TP73: variants seen among roughly 807,000 people sequenced by gnomAD.
TP73 encodes the protein tumor protein p73.
A neutral mutation model predicts 62.5 loss-of-function variants in TP73; 25 were observed. That is an observed-to-expected ratio of 0.40 (90% CI 0.29 to 0.56). The LOEUF (loss-of-function observed/expected upper bound fraction) is 0.56. Among genes scored for constraint, TP73 ranks in the 20% least tolerant of loss-of-function variants. The pLI is 0.46. For missense variants in TP73, 754 were observed against 913.3 expected, an observed-to-expected ratio of 0.83 and a Z score of 2.25; for synonymous variants, 423 against 377.5, an observed-to-expected ratio of 1.12 and a Z score of -1.40.
intron 3 of TP73, among the ~76,000 whole-genome samples, chr1:3,687,709 C>A (rs527848807): frequency 7.9e-5 from 12 of 152,252 alleles, no homozygotes; most frequent in African/African-American, 2.9e-4. Context: ...CTCTCCCCTC[C>A]CCTCTCTGTC....
At chr1:3,702,659 G>T (rs959559794) in intron 3 of TP73, among the ~76,000 whole-genome samples, 1 of 152,210 alleles carries the variant, frequency 6.6e-6, no homozygotes, top group Non-Finnish European at 1.5e-5. Context: ...GGCCTGGTGC[G>T]TCCGCGGCCT....
chr1:3,675,646 G>A (rs569172760), intron 1 of TP73, among the ~76,000 whole-genome samples: 16 of 152,168 alleles, frequency 1.1e-4, no homozygotes, highest in African/African-American at 3.4e-4. Flanking sequence ...GAGCTCCACC[G>A]AGGGGTGGGT....
chr1:3,730,192 GC>G (rs1642022718), intron 11 of TP73, 44 bp downstream of exon 11: 2 of 1,470,958 alleles, frequency 1.4e-6, no homozygotes, highest in Non-Finnish European at 1.8e-6. Context: ...GGGCGGGGAG[GC>G]CCACTGGGGG....
chr1:3,677,820 C>T (rs1359568065), intron 1 of TP73, among the ~76,000 whole-genome samples: 2 of 151,852 alleles, frequency 1.3e-5, no homozygotes, highest in Non-Finnish European at 2.9e-5. Flanking sequence ...CAGCACCCTG[C>T]GTGGTTTGGA....
chr1:3,655,624 G>C (rs1557475681), intron 1 of TP73, among the ~76,000 whole-genome samples: 2 of 152,192 alleles, frequency 1.3e-5, no homozygotes, highest in African/African-American at 4.8e-5. Flanking sequence ...TGAATGTGGT[G>C]AAAGTTTTCT....
At position 3,662,132 on chromosome 1, in the gene TP73, C is replaced by T. The variant is rs1645008147; in HGVS notation, c.-34+9491C>T. ...AATTGCCACTCTCCTGGAGCAGCCC[C>T]TGAAGGTGGAGACCAGGCACCTGCT... On this transcript the variant is annotated intron_variant, in intron 1 of 13. Transcript: ENST00000378295. The surrounding 1 kb of genome is among the most constrained non-coding windows in gnomAD (Gnocchi z 4.4). 6.6e-6 allele frequency: 1 copy of T among 152,124 alleles called. No homozygotes were observed. Among genetic ancestry groups the T allele is most frequent in the Admixed American group, 6.5e-5 (1 of 15,270 alleles). 9.4% of individuals were successfully genotyped at this position (152,124 alleles called of 1,614,324 possible). A position where few individuals can be genotyped will look rare whatever the true frequency, so the allele number is the denominator to read the frequency against.
chr1:3,687,486 T>C (rs1341881915), intron 3 of TP73, among the ~76,000 whole-genome samples: 1 of 151,550 alleles, frequency 6.6e-6, no homozygotes, highest in Non-Finnish European at 1.5e-5. Flanking sequence ...ACCCGAGGAG[T>C]CTCTGCAGTG....
chr1:3,665,137 A>T (rs978788807), intron 1 of TP73, among the ~76,000 whole-genome samples: 1 of 152,100 alleles, frequency 6.6e-6, no homozygotes. Flanking sequence ...CATGACTACC[A>T]ACCAGTCCCC....
At chr1:3,715,726 TC>T (rs1230142920) in intron 4 of TP73, among the ~76,000 whole-genome samples, 1 of 151,962 alleles carries the variant, frequency 6.6e-6, no homozygotes, top group Non-Finnish European at 1.5e-5. Context: ...CCTCGCAGCC[TC>T]CCCCAACACT....
At position 3,666,882 on chromosome 1, in the gene TP73, A is replaced by C. The variant is rs560339282; in HGVS notation, c.-34+14241A>C. Among the ~76,000 whole-genome samples, 1 of 152,140 alleles carries C rather than the reference A, an allele frequency of 6.6e-6. No individual in the cohort carries two copies. The highest frequency in any genetic ancestry group is 2.4e-5 in the African/African-American group (1 of 41,432). On this transcript the variant is annotated intron_variant, in intron 1 of 13. Coordinates refer to ENST00000378295, the MANE Select transcript of TP73 (RefSeq NM_005427.4). The surrounding 1 kb of genome is among the most constrained non-coding windows in gnomAD (Gnocchi z 6.4). ...AGGGACATTTATGGTTGGCAAAAAA[A>C]AGTGGCTCCCCAAAGGTCTTCACGT...
At chr1:3,681,197 G>A (rs548197757) in intron 1 of TP73, among the ~76,000 whole-genome samples, 1 of 152,334 alleles carries the variant, frequency 6.6e-6, no homozygotes, top group South Asian at 2.1e-4. Flanking sequence ...ACAGGTTCCA[G>A]GCCATGGCCT....
chr1:3,655,203 A>G (rs1012839943), intron 1 of TP73, among the ~76,000 whole-genome samples: 3 of 152,154 alleles, frequency 2.0e-5, no homozygotes, highest in Non-Finnish European at 4.4e-5. Context: ...CCTGGGCAAA[A>G]TGGTGAAATC....
intron 1 of TP73, among the ~76,000 whole-genome samples, chr1:3,682,108 C>G (rs1420064316): frequency 1.3e-5 from 2 of 152,212 alleles, no homozygotes; most frequent in Non-Finnish European, 2.9e-5. Context: ...GATCCAGGCC[C>G]GCCACCTCCA....
intron 3 of TP73, among the ~76,000 whole-genome samples, chr1:3,687,233 G>C (rs1645681730): frequency 6.6e-6 from 1 of 152,212 alleles, no homozygotes; most frequent in Admixed American, 6.5e-5. Flanking sequence ...GGGCTGGGGA[G>C]GGTGGGCCGA....
intron 1 of TP73, among the ~76,000 whole-genome samples, chr1:3,668,255 C>T (rs772213882): frequency 6.6e-5 from 10 of 152,150 alleles, no homozygotes; most frequent in Admixed American, 4.6e-4. Context: ...CACCCGGCTG[C>T]GATGAGGGGC....
At chr1:3,697,299 T>A (rs75866898) in intron 3 of TP73, among the ~76,000 whole-genome samples, 1,807 of 152,316 alleles carry the variant, frequency 0.012, 33 homozygotes, top group African/African-American at 0.04. Context: ...CCCGGGCGTC[T>A]CTGCTCAGCT....
At chr1:3,656,445 C>T (rs1306989580) in intron 1 of TP73, among the ~76,000 whole-genome samples, 4 of 152,266 alleles carry the variant, frequency 2.6e-5, no homozygotes, top group Non-Finnish European at 4.4e-5. Flanking sequence ...TAATAACTCA[C>T]ATTTAGCCCA....
At chr1:3,660,148 A>G (rs568881404) in intron 1 of TP73, among the ~76,000 whole-genome samples, 8 of 152,342 alleles carry the variant, frequency 5.3e-5, no homozygotes, top group Middle Eastern at 3.4e-3. Context: ...TCTTGAGGCT[A>G]AGAAGTCAAG....
intron 6 of TP73, 47 bp downstream of exon 6, chr1:3,723,516 C>A (rs779131573): frequency 8.5e-7 from 1 of 1,172,414 alleles, no homozygotes; most frequent in Non-Finnish European, 1.2e-6. Context: ...GTCAGCTGTA[C>A]GGGTCGGGGG....
Sources: allele counts gnomAD v4.1 joint callset (sites outside exome capture counted in the v4.1 genomes callset), GRCh38; gene constraint gnomAD v4.1.1; non-coding constraint Gnocchi (gnomAD v3.1); transcripts MANE v1.5; gene names NCBI Gene and HGNC (gene_info 2026-07-23, HGNC 2026-07-21).